NECTIN3: variants seen among roughly 807,000 people sequenced by gnomAD.
NECTIN3 encodes the protein nectin-3.
In NECTIN3, 8 loss-of-function variants were observed where a neutral mutation model predicts 49.4. The ratio of observed to expected loss-of-function variants is 0.16; its 90% CI spans 0.10 to 0.29. The LOEUF (loss-of-function observed/expected upper bound fraction) is 0.29, where lower values mean the gene tolerates loss of function less well. Ranked by LOEUF, NECTIN3 falls within the 10% of genes least tolerant of loss-of-function variation. The pLI, the probability that NECTIN3 is intolerant of heterozygous loss-of-function variation, is 1.00. For missense variants in NECTIN3, 581 were observed against 654.6 expected, an observed-to-expected ratio of 0.89 and a Z score of 1.23; for synonymous variants, 277 against 241.1, an observed-to-expected ratio of 1.15 and a Z score of -1.38.
Position 111,150,032 on chromosome 3 carries a change from T to C in NECTIN3, c.1221+2548T>C, listed in dbSNP as rs192282303. ...TTTTTAGGAAAACATATATAGTATT[T>C]TGAATATAGTTGGATTTCCGATATG... On this transcript the variant is annotated intron_variant, in intron 7 of 8. Coordinates refer to the NECTIN3 transcript ENST00000493615. Among the ~76,000 whole-genome samples, 356 of 152,166 alleles carry C rather than the reference T, an allele frequency of 2.3e-3. 1 individual carries two copies. Among genetic ancestry groups the C allele is most frequent in the Non-Finnish European group, 4.0e-3 (270 of 67,916 alleles).
At chr3:111,174,746 G>A (rs1220107291) in intron 7 of NECTIN3, among the ~76,000 whole-genome samples, 1 of 151,046 alleles carries the variant, frequency 6.6e-6, no homozygotes, top group African/African-American at 2.4e-5. Flanking sequence ...GGTGGGGCGA[G>A]CATGCAGACA....
intron 7 of NECTIN3, among the ~76,000 whole-genome samples, chr3:111,153,011 G>A (rs554181867): frequency 3.3e-5 from 5 of 151,956 alleles, no homozygotes; most frequent in Non-Finnish European, 5.9e-5. Context: ...CAGACACTAC[G>A]AGTAGTTATG....
chr3:111,134,557 G>A lies in NECTIN3; in HGVS notation c.*342G>A, dbSNP rs1448883746. 2 of 968,156 alleles carry A rather than the reference G, an allele frequency of 2.1e-6. No individual in the cohort carries two copies. The highest frequency in any genetic ancestry group is 1.8e-5 in the African/African-American group (1 of 56,846). The allele number at this position is 968,156 out of a possible 1,614,324, so 60.0% of individuals were successfully genotyped here. A position where few individuals can be genotyped will look rare whatever the true frequency, so the allele number is the denominator to read the frequency against. On this transcript the variant is annotated 3_prime_UTR_variant, in exon 6 of 6. Coordinates refer to ENST00000485303, the MANE Select transcript of NECTIN3 (RefSeq NM_015480.3). Reference sequence around the variant, plus strand: ...TTAAAAAGGGAACTACCTTGACATTGTGTATTAAATGTTTACCTAAGACTA... The same window carrying A: ...TTAAAAAGGGAACTACCTTGACATTATGTATTAAATGTTTACCTAAGACTA...
chr3:111,143,088 G>A (rs904769837), intron 5 of NECTIN3, among the ~76,000 whole-genome samples: 1 of 151,816 alleles, frequency 6.6e-6, no homozygotes, highest in Non-Finnish European at 1.5e-5. Flanking sequence ...GCTGTGTTCA[G>A]TGGTCAAAGT....
At chr3:111,164,984 A>G (rs1054397120) in intron 7 of NECTIN3, among the ~76,000 whole-genome samples, 16 of 152,196 alleles carry the variant, frequency 1.1e-4, no homozygotes, top group African/African-American at 3.6e-4. Context: ...AAATTTTACT[A>G]TTGAATACAG....
chr3:111,143,135 T>C (rs375645198), intron 5 of NECTIN3, among the ~76,000 whole-genome samples: 15 of 151,978 alleles, frequency 9.9e-5, no homozygotes, highest in African/African-American at 3.6e-4. Flanking sequence ...TAATATAGAT[T>C]ATCCGTAAGT....
chr3:111,121,861 C>A (rs2033969788), intron 3 of NECTIN3, among the ~76,000 whole-genome samples: 1 of 152,000 alleles, frequency 6.6e-6, no homozygotes, highest in Non-Finnish European at 1.5e-5. Context: ...TATGAATATT[C>A]CTTAACATTC....
chr3:111,141,461 A>G (rs1278522465), downstream of NECTIN3, among the ~76,000 whole-genome samples: 4 of 151,862 alleles, frequency 2.6e-5, no homozygotes, highest in Non-Finnish European at 2.9e-5. Context: ...AATGATAAAA[A>G]TACTTCAATT....
At position 111,136,797 on chromosome 3, in the gene NECTIN3, T is replaced by C; in HGVS notation, c.*2582T>C. ...GTTTTCTTTCATACTGGTTAAAATA[T>C]TTCAATGATATAATGAAGATGAATG... On this transcript the variant is annotated 3_prime_UTR_variant, in exon 6 of 6. Transcript: ENST00000485303. 2 of 939,830 alleles carry C rather than the reference T, an allele frequency of 2.1e-6. No individual in the cohort carries two copies. The highest frequency in any genetic ancestry group is 1.2e-4 in the East Asian group (1 of 8,564). 58.2% of individuals were successfully genotyped at this position (939,830 alleles called of 1,614,324 possible). A position where few individuals can be genotyped will look rare whatever the true frequency, so the allele number is the denominator to read the frequency against.
chr3:111,096,694 G>T (rs908816159), intron 1 of NECTIN3, among the ~76,000 whole-genome samples: 2 of 152,166 alleles, frequency 1.3e-5, no homozygotes, highest in Admixed American at 6.5e-5. Context: ...AGTGGCCAAG[G>T]TACAGCTCGG....
intron 5 of NECTIN3, among the ~76,000 whole-genome samples, chr3:111,144,507 A>G (rs879385740): frequency 6.6e-6 from 1 of 151,966 alleles, no homozygotes; most frequent in African/African-American, 2.4e-5. Context: ...ATAGAATAAA[A>G]GTGCTAAATG....
rs2030880035 is a variant in NECTIN3 at position 111,072,763 on chromosome 3, C to T, written c.160+586C>T. 9 of 570,242 alleles carry T rather than the reference C, an allele frequency of 1.6e-5. 1 individual carries two copies. In the East Asian group the frequency reaches 2.3e-4, roughly 15 times the overall value. 35.3% of individuals were successfully genotyped at this position (570,242 alleles called of 1,614,324 possible). ...GCTTCTGGAGCTCTCTAGATTGACCCTCGTCCCTGCCCTCCAGCTTGTGGG... is the reference window on the plus strand; with the variant it reads ...GCTTCTGGAGCTCTCTAGATTGACCTTCGTCCCTGCCCTCCAGCTTGTGGG... On this transcript the variant is annotated intron_variant, in intron 1 of 5. Transcript: ENST00000485303.
At chr3:111,148,913 G>A (rs1206939566) in intron 7 of NECTIN3, among the ~76,000 whole-genome samples, 1 of 151,966 alleles carries the variant, frequency 6.6e-6, no homozygotes, top group Non-Finnish European at 1.5e-5. Context: ...GTTCTGTATT[G>A]TCTGAAATGG....
chr3:111,177,600 CA>C (rs1334467724), intron 7 of NECTIN3, among the ~76,000 whole-genome samples: 2 of 152,140 alleles, frequency 1.3e-5, no homozygotes, highest in African/African-American at 4.8e-5. Context: ...ACAGAAAAGA[CA>C]GCTACCATCT....
intron 1 of NECTIN3, chr3:111,074,081 C>G (rs879558609): frequency 1.9e-4 from 69 of 368,664 alleles, no homozygotes; most frequent in Non-Finnish European, 3.1e-4. Context: ...CTGTGTGCTA[C>G]TCATTTAAAC....
intron 5 of NECTIN3, among the ~76,000 whole-genome samples, chr3:111,142,721 T>A (rs973990749): frequency 6.6e-6 from 1 of 151,386 alleles, no homozygotes; most frequent in Non-Finnish European, 1.5e-5. Context: ...TGATAAAAAA[T>A]TTATAATGAT....
At chr3:111,078,218 C>T (rs2107356459) in intron 1 of NECTIN3, among the ~76,000 whole-genome samples, 1 of 152,240 alleles carries the variant, frequency 6.6e-6, no homozygotes, top group Admixed American at 6.5e-5. Flanking sequence ...CTTTTGTGGT[C>T]TTTACCCATA....
At chr3:111,151,331 T>G (rs867216915) in intron 7 of NECTIN3, among the ~76,000 whole-genome samples, 3 of 152,048 alleles carry the variant, frequency 2.0e-5, no homozygotes, top group African/African-American at 7.2e-5. Flanking sequence ...CTGTTAAAAT[T>G]TCTGCATCAT....
At chr3:111,177,898 A>G (rs2035559488) in intron 7 of NECTIN3, among the ~76,000 whole-genome samples, 1 of 152,242 alleles carries the variant, frequency 6.6e-6, no homozygotes, top group Admixed American at 6.5e-5. Flanking sequence ...CAAATAATTC[A>G]TCACCTTTAC....
Sources: allele counts gnomAD v4.1 joint callset (sites outside exome capture counted in the v4.1 genomes callset), GRCh38; gene constraint gnomAD v4.1.1; transcripts MANE v1.5; gene names NCBI Gene and HGNC (gene_info 2026-07-23, HGNC 2026-07-21).